TCF7L1: variants seen among roughly 807,000 people sequenced by gnomAD.
TCF7L1 encodes transcription factor 7 like 1.
In TCF7L1, 18 loss-of-function variants were observed where a neutral mutation model predicts 63.7. The ratio of observed to expected loss-of-function variants is 0.28; its 90% confidence interval spans 0.20 to 0.42. TCF7L1 has a LOEUF of 0.42. Among genes scored for constraint, TCF7L1 ranks in the 10% least tolerant of loss-of-function variants. TCF7L1 has a pLI of 1.00. For missense variants in TCF7L1, 654 were observed against 779.3 expected (o/e 0.84, Z 1.91); for synonymous variants, 355 against 340.9 (o/e 1.04, Z -0.46).
At chr2:85,263,827 G>A (rs1051260631) in intron 3 of TCF7L1, among the ~76,000 whole-genome samples, 7 of 152,360 alleles carry the variant, frequency 4.6e-5, no homozygotes, top group Admixed American at 2.0e-4. Context: ...ACCAGCTTTC[G>A]AGGCATAGGC....
intron 3 of TCF7L1, among the ~76,000 whole-genome samples, chr2:85,172,894 G>A (rs1678583459): frequency 6.6e-6 from 1 of 152,036 alleles, no homozygotes; most frequent in African/African-American, 2.4e-5. Context: ...ATTTATTTGA[G>A]TCCAGAGCAC....
chr2:85,221,568 C>T (rs186336097), intron 3 of TCF7L1, among the ~76,000 whole-genome samples: 3 of 152,248 alleles, frequency 2.0e-5, no homozygotes, highest in African/African-American at 4.8e-5. Flanking sequence ...CAAGAGAGTA[C>T]GCCTGTGTGT....
chr2:85,268,471 CTTTT>C lies in TCF7L1; in HGVS notation c.442-15008_442-15005del, dbSNP rs554305734. 9.5e-3 allele frequency among the ~76,000 whole-genome samples: 1,287 copies of C among 134,796 alleles called. 16 individuals are homozygous for C. Among genetic ancestry groups the C allele is most frequent in the African/African-American group, 0.033 (1,229 of 37,282 alleles). 88.4% of individuals were successfully genotyped at this position (134,796 alleles called of 152,430 possible). A position where few individuals can be genotyped will look rare whatever the true frequency, so the allele number is the denominator to read the frequency against. ...CCAAAGGGCGAATAAGATTGGATGC[CTTTT>C]TTTTTTTTTTTTTTTGAGACGGAGT... On this transcript the variant is annotated intron_variant, in intron 3 of 11. Transcript: ENST00000282111.
intron 3 of TCF7L1, among the ~76,000 whole-genome samples, chr2:85,181,137 G>A (rs1156665904): frequency 6.6e-6 from 1 of 152,220 alleles, no homozygotes; most frequent in Non-Finnish European, 1.5e-5. Context: ...TGGGGGATTA[G>A]GGAGGAGAGT....
chr2:85,308,431 T>TCCCC (rs1558663463), intron 11 of TCF7L1, among the ~76,000 whole-genome samples: 1 of 103,092 alleles, frequency 9.7e-6, no homozygotes, highest in African/African-American at 4.1e-5. Context: ...CTCCCTCCTT[T>TCCCC]TCTCCCTCCC....
intron 3 of TCF7L1, among the ~76,000 whole-genome samples, chr2:85,248,532 G>A (rs1036567142): frequency 3.3e-5 from 5 of 152,068 alleles, no homozygotes; most frequent in South Asian, 2.1e-4. Flanking sequence ...TAGCCTTCCC[G>A]TCCCACTTAT....
intron 3 of TCF7L1, among the ~76,000 whole-genome samples, chr2:85,222,529 G>A (rs1347687121): frequency 1.3e-5 from 2 of 151,628 alleles, no homozygotes; most frequent in Non-Finnish European, 2.9e-5. Context: ...AATTAGCCCG[G>A]CACAGGGGTA....
chr2:85,286,557 G>A (rs924428249), intron 4 of TCF7L1, among the ~76,000 whole-genome samples: 13 of 151,924 alleles, frequency 8.6e-5, no homozygotes, highest in African/African-American at 1.2e-4. Flanking sequence ...GTGCAATGGC[G>A]CGATCTTGGC....
chr2:85,209,042 AG>A (rs1679483461), intron 3 of TCF7L1, among the ~76,000 whole-genome samples: 1 of 152,232 alleles, frequency 6.6e-6, no homozygotes, highest in Non-Finnish European at 1.5e-5. Flanking sequence ...ACATTAAAAC[AG>A]GGTGGTCTGG....
At chr2:85,214,432 G>T (rs1420375770) in intron 3 of TCF7L1, among the ~76,000 whole-genome samples, 1 of 152,212 alleles carries the variant, frequency 6.6e-6, no homozygotes, top group Non-Finnish European at 1.5e-5. Flanking sequence ...GTTATCTCGA[G>T]TTTTCGTTGT....
chr2:85,195,625 C>T (rs1679137247), intron 3 of TCF7L1, among the ~76,000 whole-genome samples: 1 of 152,072 alleles, frequency 6.6e-6, no homozygotes, highest in Non-Finnish European at 1.5e-5. Context: ...TGGCTCACTG[C>T]AGCCTCAACC....
intron 7 of TCF7L1, 58 bp downstream of exon 7, chr2:85,304,396 A>AC: frequency 6.4e-7 from 1 of 1,560,820 alleles, no homozygotes; most frequent in Non-Finnish European, 8.8e-7. Context: ...GCCATTTCTG[A>AC]CCACGAAACA....
At chr2:85,206,026 C>T (rs1679401432) in intron 3 of TCF7L1, among the ~76,000 whole-genome samples, 1 of 152,252 alleles carries the variant, frequency 6.6e-6, no homozygotes. Flanking sequence ...CTGTAATTCA[C>T]AGCATACCTT....
chr2:85,280,665 A>T (rs10180579), intron 3 of TCF7L1, among the ~76,000 whole-genome samples: 40,686 of 152,066 alleles, frequency 0.27, 5,868 homozygotes, highest in East Asian at 0.57. Context: ...TTGTAGTTTA[A>T]TTTTTAAAAC....
At chr2:85,218,128 T>C (rs1478182223) in intron 3 of TCF7L1, among the ~76,000 whole-genome samples, 1 of 152,096 alleles carries the variant, frequency 6.6e-6, no homozygotes. Context: ...CTTAAGAAAT[T>C]TTTTTCCAGA....
In TCF7L1 at chr2:85,276,743, A is replaced by G. The variant is rs959265576; in HGVS notation, c.442-6752A>G. On this transcript the variant is annotated intron_variant, in intron 3 of 11. Transcript: ENST00000282111. Reference sequence around the variant, plus strand: ...ACAGCATGGGACAGGGTTTCAACACATCATGATTGCCGGGTTCTGGGTGAG... The same window carrying G: ...ACAGCATGGGACAGGGTTTCAACACGTCATGATTGCCGGGTTCTGGGTGAG... Among the ~76,000 whole-genome samples, 3 of 152,152 alleles carry G rather than the reference A, an allele frequency of 2.0e-5. No individual in the cohort carries two copies. The Middle Eastern group carries it at 9.5e-3, about 481-fold the overall frequency.
At chr2:85,182,964 G>A (rs547146826) in intron 3 of TCF7L1, among the ~76,000 whole-genome samples, 3 of 152,164 alleles carry the variant, frequency 2.0e-5, no homozygotes, top group African/African-American at 7.2e-5. Context: ...GGTCCAGGGA[G>A]CGCACTGAGA....
chr2:85,188,046 G>A (rs1261608945), intron 3 of TCF7L1, among the ~76,000 whole-genome samples: 1 of 152,200 alleles, frequency 6.6e-6, no homozygotes, highest in Non-Finnish European at 1.5e-5. Context: ...GTTATATACT[G>A]CATTTGCCAT....
chr2:85,170,139 C>T (rs1394745454), intron 3 of TCF7L1, among the ~76,000 whole-genome samples: 2 of 152,304 alleles, frequency 1.3e-5, no homozygotes, highest in South Asian at 2.1e-4. Context: ...TCTGGAATAG[C>T]TCCTGCAGCC....
Sources: gnomAD v4.1 joint callset for allele counts (sites outside exome capture counted in the v4.1 genomes callset) on GRCh38, gnomAD v4.1.1 for gene constraint, MANE v1.5 for transcripts, NCBI Gene and HGNC (gene_info 2026-07-23, HGNC 2026-07-21) for gene names.